OPRM1: variants seen among roughly 807,000 people sequenced by gnomAD.
OPRM1 encodes the protein opioid receptor mu 1.
OPRM1 carries 27 observed loss-of-function variants against 31.8 expected under a neutral mutation model. That is an observed-to-expected ratio of 0.85 (90% CI 0.63 to 1.17). OPRM1 has a LOEUF of 1.17. Ranked by LOEUF, OPRM1 falls within the 50% of genes most tolerant of loss-of-function variation. The pLI is 0.00. For synonymous variants in OPRM1, 196 were observed against 189.9 expected (o/e 1.03, Z -0.26); for missense variants, 536 against 511.1 (o/e 1.05, Z -0.47).
At chr6:154,094,912 T>G (rs1793090354) in intron 3 of OPRM1, among the ~76,000 whole-genome samples, 1 of 152,216 alleles carries the variant, frequency 6.6e-6, no homozygotes, top group Non-Finnish European at 1.5e-5. Context: ...AAGGACATGC[T>G]GCATGAGACA....
At chr6:154,084,687 T>A (rs746921644) in intron 1 of OPRM1, among the ~76,000 whole-genome samples, 1 of 152,160 alleles carries the variant, frequency 6.6e-6, no homozygotes, top group Non-Finnish European at 1.5e-5. Context: ...ATAAAAGTCA[T>A]GGCAAATGCA....
chr6:154,045,161 G>T (rs1175582150), intron 1 of OPRM1, among the ~76,000 whole-genome samples: 1 of 151,970 alleles, frequency 6.6e-6, no homozygotes, highest in Admixed American at 6.6e-5. Context: ...AGAGGCAAAG[G>T]CTGCAGCGAG....
intron 1 of OPRM1, among the ~76,000 whole-genome samples, chr6:154,083,901 G>A (rs1244907541): frequency 3.1e-5 from 4 of 129,248 alleles, no homozygotes; most frequent in Non-Finnish European, 6.1e-5. Context: ...CCGAGATCGC[G>A]CCACTGCACT....
chr6:154,146,252 C>T (rs586737), intron 3 of OPRM1, among the ~76,000 whole-genome samples: 151,911 of 152,354 alleles, frequency 1, 75,736 homozygotes, highest in Middle Eastern at 1. Context: ...ATACAAAAAT[C>T]AGCTGAGCGC....
At chr6:154,099,289 A>AAGGAAGGAAGGAAGGG (rs1793958070) in intron 3 of OPRM1, among the ~76,000 whole-genome samples, 1 of 71,778 alleles carries the variant, frequency 1.4e-5, no homozygotes, top group Non-Finnish European at 2.7e-5. Context: ...TGTCGAAAGG[A>AAGGAAGGAAGGAAGGG]AGGAAGGAAG....
intron 1 of OPRM1, among the ~76,000 whole-genome samples, chr6:154,022,819 A>G (rs115914240): frequency 0.066 from 10,101 of 152,172 alleles, 624 homozygotes; most frequent in African/African-American, 0.16. Flanking sequence ...CTTTCTCCCA[A>G]TGTATGTTCT....
rs1797642379 is a variant in OPRM1, at chr6:154,127,218, T to C, written c.*8497T>C. On this transcript the variant is annotated 3_prime_UTR_variant, in exon 4 of 4. Transcript: ENST00000330432. Reference sequence around the variant, plus strand: ...ACACTTTTCCTACCATAGTGATACATGTGGCTTTTCTTTGCTGTGTTCTGA... The same window carrying C: ...ACACTTTTCCTACCATAGTGATACACGTGGCTTTTCTTTGCTGTGTTCTGA... Among the ~76,000 whole-genome samples, 1 of 152,164 alleles carries C rather than the reference T, an allele frequency of 6.6e-6. No homozygotes were observed. Among genetic ancestry groups the C allele is most frequent in the South Asian group, 2.1e-4 (1 of 4,832 alleles).
intron 1 of OPRM1, among the ~76,000 whole-genome samples, chr6:154,057,063 A>G (rs1783451724): frequency 6.6e-6 from 1 of 152,148 alleles, no homozygotes; most frequent in Non-Finnish European, 1.5e-5. Context: ...TAAATAAAAC[A>G]CATATCTAAG....
chr6:154,141,224 A>G lies in OPRM1; in HGVS notation c.1164+49752A>G, dbSNP rs1041567490. ...AAGCACCTTCCCTGATGCTCAGTACATGGGCAGCGCGTGTTAATGTTATAA... is the reference window on the plus strand; with the variant it reads ...AAGCACCTTCCCTGATGCTCAGTACGTGGGCAGCGCGTGTTAATGTTATAA... On this transcript the variant is annotated intron_variant, in intron 3 of 3. Coordinates refer to the OPRM1 transcript ENST00000337049. Among the ~76,000 whole-genome samples the G allele has an allele frequency of 4.6e-5, 7 of 152,262 alleles. No homozygotes were observed. The East Asian group carries it at 9.6e-4, about 21-fold the overall frequency.
At chr6:154,026,430 T>G (rs1778700211) in intron 1 of OPRM1, among the ~76,000 whole-genome samples, 1 of 152,138 alleles carries the variant, frequency 6.6e-6, no homozygotes, top group South Asian at 2.1e-4. Flanking sequence ...TTAGATTAAA[T>G]TTGCTTAGTG....
chr6:154,109,877 CCAGTT>C (rs1354407868), intron 3 of OPRM1, among the ~76,000 whole-genome samples: 2 of 150,876 alleles, frequency 1.3e-5, no homozygotes, highest in African/African-American at 4.9e-5. Context: ...GTTCAGTTCT[CCAGTT>C]CATCTGAGCT....
At chr6:154,246,239 T>TA (rs1781032615) in intron 3 of OPRM1, among the ~76,000 whole-genome samples, 1 of 152,182 alleles carries the variant, frequency 6.6e-6, no homozygotes, top group Non-Finnish European at 1.5e-5. Context: ...CTTAACTATG[T>TA]AAAGGTGCCA....
At chr6:154,034,791 T>C (rs1272422112), upstream of OPRM1, among the ~76,000 whole-genome samples, 2 of 152,112 alleles carry the variant, frequency 1.3e-5, no homozygotes. Context: ...AACTGGAAAT[T>C]GAAGAGCAAG....
intron 1 of OPRM1, chr6:154,087,357 T>C: frequency 1.0e-6 from 1 of 985,450 alleles, no homozygotes; most frequent in Non-Finnish European, 1.2e-6. Flanking sequence ...CCAACAGCTG[T>C]CTTGGGCTGA....
At chr6:154,024,532 A>G (rs1206097349) in intron 1 of OPRM1, among the ~76,000 whole-genome samples, 3 of 150,820 alleles carry the variant, frequency 2.0e-5, no homozygotes, top group Admixed American at 2.0e-4. Context: ...TTTACATTTC[A>G]GTTTCATTTA....
chr6:154,017,123 C>G (rs1778050084), intron 1 of OPRM1, among the ~76,000 whole-genome samples: 1 of 152,130 alleles, frequency 6.6e-6, no homozygotes, highest in Non-Finnish European at 1.5e-5. Context: ...ACTAATTTCT[C>G]TCCTCTCTCC....
At chr6:154,180,412 A>ATTTTT (rs1301879776) in intron 3 of OPRM1, among the ~76,000 whole-genome samples, 1 of 50,808 alleles carries the variant, frequency 2.0e-5, no homozygotes, top group African/African-American at 8.1e-5. Flanking sequence ...ATATATATAT[A>ATTTTT]TATTTTTTTT....
chr6:154,069,483 C>T (rs566688153), intron 1 of OPRM1, among the ~76,000 whole-genome samples: 1 of 152,266 alleles, frequency 6.6e-6, no homozygotes, highest in African/African-American at 2.4e-5. Flanking sequence ...GTGATCTGCC[C>T]ACCTCGGCCT....
intron 2 of OPRM1, 51 bp downstream of exon 2, chr6:154,090,229 T>A (rs777729500): frequency 5.1e-5 from 62 of 1,215,442 alleles, no homozygotes; most frequent in Non-Finnish European, 6.9e-5. Flanking sequence ...CCTGATATGT[T>A]GGTGATGTCA....
Sources: gnomAD v4.1 joint callset for allele counts (sites outside exome capture counted in the v4.1 genomes callset) on GRCh38, gnomAD v4.1.1 for gene constraint, MANE v1.5 for transcripts, NCBI Gene and HGNC (gene_info 2026-07-23, HGNC 2026-07-21) for gene names.